Variants in KIAA1217 observed in about 807,000 individuals in gnomAD.
KIAA1217 encodes the protein sickle tail protein homolog.
KIAA1217 carries 88 observed loss-of-function variants against 163.9 expected under a neutral mutation model. That is an observed-to-expected ratio of 0.54 (90% CI 0.45 to 0.64). The LOEUF is 0.64. KIAA1217 is among the 30% of genes least tolerant of loss of function. KIAA1217 has a pLI of 0.00. For missense variants in KIAA1217, 2,372 were observed against 2,475.0 expected, an observed-to-expected ratio of 0.96 and a Z score of 0.88; for synonymous variants, 903 against 923.1, an observed-to-expected ratio of 0.98 and a Z score of 0.39.
At chr10:24,164,122 T>A (rs1004772920) in intron 2 of KIAA1217, among the ~76,000 whole-genome samples, 1 of 152,224 alleles carries the variant, frequency 6.6e-6, no homozygotes, top group African/African-American at 2.4e-5. Flanking sequence ...TCTCCTGTAC[T>A]AGCCTAGAGT....
intron 2 of KIAA1217, among the ~76,000 whole-genome samples, chr10:24,150,931 A>C (rs2064581890): frequency 6.6e-6 from 1 of 152,080 alleles, no homozygotes; most frequent in Non-Finnish European, 1.5e-5. Context: ...ATTCTTGAAA[A>C]TTCCAGTTCA....
rs1312038889 is a variant in KIAA1217 at position 24,537,708 on chromosome 10, C to T, written c.3534+815C>T. ...TATTTGCACAAACGTCCAAGGATGC[C>T]AAACAGAATTTTTGCTAAGTATTAT... On this transcript the variant is annotated intron_variant, in intron 17 of 20. Transcript: ENST00000376454. Among the ~76,000 whole-genome samples, 4 of 152,116 alleles carry T rather than the reference C, an allele frequency of 2.6e-5. No homozygotes were observed. The East Asian group carries it at 7.7e-4, about 29-fold the overall frequency.
intron 1 of KIAA1217, among the ~76,000 whole-genome samples, chr10:24,216,962 G>A (rs1342153249): frequency 7.4e-6 from 1 of 135,150 alleles, no homozygotes; most frequent in Non-Finnish European, 1.5e-5. Context: ...TGCCCAGGAG[G>A]TAAAGGCTGC....
At chr10:24,472,267 A>C (rs1207181313) in intron 5 of KIAA1217, among the ~76,000 whole-genome samples, 1 of 152,176 alleles carries the variant, frequency 6.6e-6, no homozygotes, top group Non-Finnish European at 1.5e-5. Flanking sequence ...TGCACAGTTC[A>C]AAGCTGTGTT....
chr10:23,922,058 A>G (rs140287955), intron 1 of KIAA1217, among the ~76,000 whole-genome samples: 1 of 151,848 alleles, frequency 6.6e-6, no homozygotes, highest in Non-Finnish European at 1.5e-5. Flanking sequence ...CCCCCCACCA[A>G]CAGCCTCCTG....
At position 24,125,618 on chromosome 10, in the gene KIAA1217, C is replaced by T. The variant is rs145319438; in HGVS notation, c.-170-94008C>T. ...AAAGTAGTCCAAGATTTTCACAATG[C>T]ACTCCAGTTTTTCTTTCTACTACTC... On this transcript the variant is annotated intron_variant, in intron 2 of 18. Coordinates refer to the KIAA1217 transcript ENST00000376462. Among the ~76,000 whole-genome samples the T allele has an allele frequency of 5.3e-4, 80 of 152,044 alleles. 4 individuals are homozygous for T. The East Asian group carries it at 0.015, about 29-fold the overall frequency.
At chr10:24,407,353 G>A (rs994086255) in intron 3 of KIAA1217, among the ~76,000 whole-genome samples, 2 of 152,046 alleles carry the variant, frequency 1.3e-5, no homozygotes, top group African/African-American at 4.8e-5. Context: ...GAGTATAATA[G>A]TACCATCATA....
chr10:24,048,573 T>TA (rs1181629260), intron 2 of KIAA1217, among the ~76,000 whole-genome samples: 1 of 150,870 alleles, frequency 6.6e-6, no homozygotes, highest in East Asian at 2.0e-4. Flanking sequence ...CTACTAAAAA[T>TA]AAAAAAATTA....
At chr10:24,117,139 G>A (rs113592964) in intron 2 of KIAA1217, among the ~76,000 whole-genome samples, 16,412 of 151,926 alleles carry the variant, frequency 0.11, 1,327 homozygotes, top group African/African-American at 0.23. Flanking sequence ...CCAGGTTCGA[G>A]CAATTCTCCT....
chr10:23,736,905 T>C (rs1376068025), intron 1 of KIAA1217, among the ~76,000 whole-genome samples: 1 of 152,218 alleles, frequency 6.6e-6, no homozygotes, highest in Non-Finnish European at 1.5e-5. Flanking sequence ...TTCTTGGCCT[T>C]TGTTCTTCCA....
intron 3 of KIAA1217, among the ~76,000 whole-genome samples, chr10:24,381,873 C>A (rs1055831057): frequency 6.6e-6 from 1 of 152,202 alleles, no homozygotes; most frequent in African/African-American, 2.4e-5. Context: ...ATGTGGCTAA[C>A]ATCTGCATGA....
intron 14 of KIAA1217, 120 bp from the exon 15 acceptor site, chr10:24,531,710 C>A: frequency 1.0e-6 from 1 of 960,642 alleles, no homozygotes; most frequent in Non-Finnish European, 1.5e-6. Context: ...TTAATCCTTG[C>A]TCTATGGAGA....
intron 2 of KIAA1217, among the ~76,000 whole-genome samples, chr10:24,281,441 A>C (rs1392273285): frequency 2.0e-5 from 3 of 152,318 alleles, no homozygotes; most frequent in Admixed American, 6.5e-5. Context: ...GTTTGTTTCC[A>C]ACATTAATTA....
chr10:24,490,884 G>A (rs2066022503), intron 6 of KIAA1217, among the ~76,000 whole-genome samples: 1 of 152,170 alleles, frequency 6.6e-6, no homozygotes, highest in African/African-American at 2.4e-5. Context: ...GCCATCCAGG[G>A]AGCCTTCACT....
At chr10:24,298,980 A>G (rs534211861) in intron 2 of KIAA1217, among the ~76,000 whole-genome samples, 4 of 152,288 alleles carry the variant, frequency 2.6e-5, no homozygotes, top group African/African-American at 9.6e-5. Context: ...TCAGAATTCA[A>G]CTATCCTGAA....
chr10:24,481,035 A>G (rs2064615520), intron 6 of KIAA1217: 1 of 152,170 alleles, frequency 6.6e-6, no homozygotes, highest in South Asian at 2.1e-4. Flanking sequence ...TCATTAGGTT[A>G]TCTGTTTTGA....
chr10:23,988,350 A>G (rs916242539), intron 1 of KIAA1217, among the ~76,000 whole-genome samples: 1 of 152,194 alleles, frequency 6.6e-6, no homozygotes. Flanking sequence ...GATTCATAAA[A>G]CTATAATTAT....
rs1194864984 is a variant in KIAA1217 at position 24,546,341 on chromosome 10, G to A, written c.*17G>A. ...ACCTCTTAAAGGTCAAATCCTATTA[G>A]GCACAAGTCGGAGTTACATTTAAAA... On this transcript the variant is annotated 3_prime_UTR_variant, in exon 21 of 21. Coordinates refer to ENST00000376454, the MANE Select transcript of KIAA1217 (RefSeq NM_019590.5). 2 of 1,557,974 alleles carry A rather than the reference G, an allele frequency of 1.3e-6. No individual in the cohort carries two copies. The highest frequency in any genetic ancestry group is 2.0e-5 in the Admixed American group (1 of 48,800).
chr10:24,372,334 A>G (rs1364898790), intron 2 of KIAA1217, among the ~76,000 whole-genome samples: 1 of 152,166 alleles, frequency 6.6e-6, no homozygotes, highest in Non-Finnish European at 1.5e-5. Flanking sequence ...GGCGCAAGGA[A>G]ACAATCATGA....
Sources: gnomAD v4.1 joint callset for allele counts (sites outside exome capture counted in the v4.1 genomes callset) on GRCh38, gnomAD v4.1.1 for gene constraint, MANE v1.5 for transcripts, NCBI Gene and HGNC (gene_info 2026-07-23, HGNC 2026-07-21) for gene names.